Variants in CAV2 observed in about 807,000 individuals in gnomAD.
CAV2 encodes caveolin 2, also known as caveolin-2.
A neutral mutation model predicts 15.5 loss-of-function variants in CAV2; 7 were observed. The observed-to-expected ratio is 0.45, with a 90% CI of 0.26 to 0.85. The LOEUF (loss-of-function observed/expected upper bound fraction) is 0.85. Among genes scored for constraint, CAV2 ranks in the 40% least tolerant of loss-of-function variants. CAV2 has a pLI of 0.18. For synonymous variants in CAV2, 76 were observed against 83.1 expected, an observed-to-expected ratio of 0.91 and a Z score of 0.46; for missense variants, 229 against 208.8, an observed-to-expected ratio of 1.10 and a Z score of -0.60.
rs1793235138 is a variant in CAV2 at position 116,506,177 on chromosome 7, A to G, written c.*56A>G. 1 of 1,567,028 alleles carries G rather than the reference A, an allele frequency of 6.4e-7. No individual in the cohort carries two copies. Among genetic ancestry groups the G allele is most frequent in the Non-Finnish European group, 8.8e-7 (1 of 1,139,586 alleles). On this transcript the variant is annotated 3_prime_UTR_variant, in exon 3 of 3. Coordinates refer to ENST00000222693, the MANE Select transcript of CAV2 (RefSeq NM_001233.5). ...TACTGTAATACTTCTTTGTTATTAT[A>G]ACATAAAAGCACCACTGTTCTGTTC...
intron 2 of CAV2, 185 bp downstream of exon 2, chr7:116,500,632 G>A: frequency 1.7e-6 from 1 of 590,264 alleles, no homozygotes; most frequent in Middle Eastern, 4.5e-4. Flanking sequence ...AACAGTTTGG[G>A]CTTGGAGTTT....
chr7:116,503,567 G>T (rs1039519787), intron 2 of CAV2, among the ~76,000 whole-genome samples: 1 of 151,728 alleles, frequency 6.6e-6, no homozygotes, highest in East Asian at 1.9e-4. Context: ...AGTGGCTCTC[G>T]CCTGTAATCC....
At chr7:116,504,063 A>G (rs188128246) in intron 2 of CAV2, among the ~76,000 whole-genome samples, 1 of 135,544 alleles carries the variant, frequency 7.4e-6, no homozygotes, top group African/African-American at 2.6e-5. Context: ...AAAGAAAGAA[A>G]GAAGGAAGGA....
At chr7:116,500,687 T>C (rs1261856325) in intron 2 of CAV2, 1 of 505,392 alleles carries the variant, frequency 2.0e-6, no homozygotes, top group Non-Finnish European at 3.5e-6. Context: ...GTGATTTTCC[T>C]TGCATACATA....
intron 2 of CAV2, chr7:116,500,989 G>T (rs952222008): frequency 6.5e-6 from 1 of 152,964 alleles, no homozygotes; most frequent in Non-Finnish European, 1.5e-5. Context: ...AGAGGAAAGG[G>T]AGGTGTGTGC....
At position 116,506,167 on chromosome 7, in the gene CAV2, T is replaced by C; in HGVS notation, c.*46T>C. ...GAGATTGGGATACTGTAATACTTCT[T>C]TGTTATTATAACATAAAAGCACCAC... On this transcript the variant is annotated 3_prime_UTR_variant, in exon 3 of 3. Coordinates refer to ENST00000222693, the MANE Select transcript of CAV2 (RefSeq NM_001233.5). 1 of 1,595,480 alleles carries C rather than the reference T, an allele frequency of 6.3e-7. No individual in the cohort carries two copies. The highest frequency in any genetic ancestry group is 1.1e-5 in the South Asian group (1 of 90,042).
At chr7:116,505,127 A>G (rs979216397) in intron 2 of CAV2, among the ~76,000 whole-genome samples, 1 of 152,194 alleles carries the variant, frequency 6.6e-6, no homozygotes, top group Non-Finnish European at 1.5e-5. Flanking sequence ...TTGTTTCAGT[A>G]CTTTAGAAAT....
chr7:116,506,046 T>C lies in CAV2; in HGVS notation c.414T>C (p.Asp138=), dbSNP rs192170528. 6.2e-7 allele frequency: 1 copy of C among 1,613,740 alleles called. No homozygotes were observed. The highest frequency in any genetic ancestry group is 1.3e-5 in the African/African-American group (1 of 75,028). Residue 138 remains aspartate, a synonymous_variant, in exon 3 of 3, where the codon GAT becomes GAC. Transcript: ENST00000222693. The part of the protein sequence containing the change: ...SVQTIWKSVT[D]VIIAPLCTSV... ...AGACAATATGGAAGAGTGTGACAGA[T>C]GTTATCATTGCTCCATTGTGTACGA...
In CAV2 at chr7:116,508,181, T is replaced by C. The variant is rs528786881; in HGVS notation, c.*2060T>C. The stretch of plus-strand genomic sequence containing the variant: ...TGTATTTAAAAACATTTTTTATACA[T>C]TTGGTTATGTTGATAAACCAAAAAC... On this transcript the variant is annotated 3_prime_UTR_variant, in exon 3 of 3. Coordinates refer to ENST00000222693, the MANE Select transcript of CAV2 (RefSeq NM_001233.5). 2.1e-4 allele frequency: 32 copies of C among 152,370 alleles called. 1 individual carries two copies. In the East Asian group the frequency reaches 6.2e-3, roughly 29 times the overall value. 9.4% of individuals were successfully genotyped at this position (152,370 alleles called of 1,614,324 possible).
chr7:116,507,102 T>C lies in CAV2; in HGVS notation c.*981T>C, dbSNP rs1216596276. On this transcript the variant is annotated 3_prime_UTR_variant, in exon 3 of 3. Transcript: ENST00000222693. ...CTGTGTCAGCATTCCTATTAATGTC[T>C]CACTTTACTTTCAAGTAATATTGGT... 5 of 152,696 alleles carry C rather than the reference T, an allele frequency of 3.3e-5. No homozygotes were observed. Among genetic ancestry groups the C allele is most frequent in the Non-Finnish European group, 2.9e-5 (2 of 68,048 alleles). 9.5% of individuals were successfully genotyped at this position (152,696 alleles called of 1,614,324 possible). A position where few individuals can be genotyped will look rare whatever the true frequency, so the allele number is the denominator to read the frequency against.
intron 1 of CAV2, 95 bp from the exon 2 acceptor site, chr7:116,500,165 G>A: frequency 1.3e-6 from 2 of 1,529,002 alleles, no homozygotes; most frequent in South Asian, 1.3e-5. Context: ...GCCCTGGCAC[G>A]TCCTTCCCTC....
rs371624407 is a variant in CAV2 at position 116,499,964 on chromosome 7, G to A, written c.150+33G>A. The stretch of plus-strand genomic sequence containing the variant: ...CCGGGGCGGGCGGGCCCAAGTCCCC[G>A]CTGAGGCCGGGAGGTGCGGGCGCCC... On this transcript the variant is annotated intron_variant, in intron 1 of 2. Transcript: ENST00000222693. The A allele has an allele frequency of 2.1e-4, 330 of 1,601,430 alleles. 1 individual carries two copies. In the African/African-American group the frequency reaches 3.6e-3, roughly 18 times the overall value.
rs1793233162 is a variant in CAV2, at chr7:116,506,135, A to C, written c.*14A>C. Reference sequence around the variant, plus strand: ...AGCCAGGATTGAATACTTGGACCCCAGGTCTGGAGATTGGGATACTGTAAT... The same window carrying C: ...AGCCAGGATTGAATACTTGGACCCCCGGTCTGGAGATTGGGATACTGTAAT... On this transcript the variant is annotated 3_prime_UTR_variant, in exon 3 of 3. Transcript: ENST00000222693. The C allele has an allele frequency of 1.2e-6, 2 of 1,613,674 alleles. No homozygotes were observed. Among genetic ancestry groups the C allele is most frequent in the African/African-American group, 2.7e-5 (2 of 74,930 alleles).
At chr7:116,504,622 C>A (rs1216497943) in intron 2 of CAV2, among the ~76,000 whole-genome samples, 1 of 152,166 alleles carries the variant, frequency 6.6e-6, no homozygotes, top group East Asian at 1.9e-4. Context: ...AGAAAATCAG[C>A]CTACTCCCTT....
intron 2 of CAV2, among the ~76,000 whole-genome samples, chr7:116,503,923 A>AAGGG (rs869037328): frequency 1.9e-4 from 10 of 53,300 alleles, no homozygotes; most frequent in African/African-American, 2.6e-4. Flanking sequence ...GGAAGGAAGG[A>AAGGG]AGGGAGGGAG....
rs150718300 is a variant in CAV2 at position 116,506,116 on chromosome 7, G to T, written c.484G>T (p.Asp162Tyr). 1 of 1,614,092 alleles carries T rather than the reference G, an allele frequency of 6.2e-7. No homozygotes were observed. The highest frequency in any genetic ancestry group is 1.6e-4 in the Middle Eastern group (1 of 6,062). The change falls in exon 3 of 3, where the codon GAT (aspartate) becomes TAT (tyrosine). Residue 162 changes from aspartate (D) to tyrosine (Y), a missense_variant. Coordinates refer to ENST00000222693, the MANE Select transcript of CAV2 (RefSeq NM_001233.5). The stretch of plus-strand genomic sequence containing the variant: ...TTCTGTCAGCCTGCAACTGAGCCAG[G>T]ATTGAATACTTGGACCCCAGGTCTG... ...FSSVSLQLSQ[D>Y]
chr7:116,503,384 C>A (rs981218343), intron 2 of CAV2, among the ~76,000 whole-genome samples: 2 of 152,112 alleles, frequency 1.3e-5, no homozygotes, highest in Admixed American at 6.5e-5. Context: ...GAGTTAACAA[C>A]ACCCTATAAA....
intron 2 of CAV2, among the ~76,000 whole-genome samples, chr7:116,503,899 GAGGGAGGGAGGGAGGAAGGAAGGA>G (rs1793162835): frequency 7.5e-5 from 2 of 26,644 alleles, no homozygotes; most frequent in South Asian, 1.8e-3. Context: ...GGGAGGGAGG[GAGGGAGGGAGGGAGGAAGGAAGGA>G]AGGGAGGGAG....
chr7:116,500,323 T>G lies in CAV2; in HGVS notation c.214T>G (p.Cys72Gly). 6.2e-7 allele frequency: 1 copy of G among 1,614,198 alleles called. No individual in the cohort carries two copies. Among genetic ancestry groups the G allele is most frequent in the Non-Finnish European group, 8.5e-7 (1 of 1,180,034 alleles). ...GCACTCCTTTGACAAAGTGTGGATC[T>G]GCAGCCATGCCCTCTTTGAAATCAG... ...TTHSFDKVWI[C>G]SHALFEISKY... The change falls in exon 2 of 3, where the codon TGC becomes GGC. Residue 72 changes from cysteine (C) to glycine (G), a missense_variant. Coordinates refer to ENST00000222693, the MANE Select transcript of CAV2 (RefSeq NM_001233.5).
Sources: gnomAD v4.1 joint callset for allele counts (sites outside exome capture counted in the v4.1 genomes callset) on GRCh38, gnomAD v4.1.1 for gene constraint, MANE v1.5 for transcripts, NCBI Gene and HGNC (gene_info 2026-07-23, HGNC 2026-07-21) for gene names.